The following CELF2 variants were observed in gnomAD, a reference collection of about 807,000 sequenced individuals.
CELF2 encodes the protein CUG triplet repeat RNA-binding protein 2.
In CELF2, 8 loss-of-function variants were observed where a neutral mutation model predicts 62.6. That is an observed-to-expected ratio of 0.13 (90% CI 0.07 to 0.23). CELF2 has a LOEUF of 0.23. Ranked by LOEUF, CELF2 falls within the 10% of genes least tolerant of loss-of-function variation. The pLI is 1.00. For missense variants in CELF2, 333 were observed against 671.0 expected (o/e 0.50, Z 5.56); for synonymous variants, 258 against 250.0 (o/e 1.03, Z -0.30).
chr10:10,786,676 A>AG, the CELF2 span: 1 of 152,176 alleles, frequency 6.6e-6, no homozygotes, highest in Non-Finnish European at 1.5e-5. Flanking sequence ...GGAAGTAGAG[A>AG]GGGGGATGAA....
At position 11,311,008 on chromosome 10, in the gene CELF2, G is replaced by C. The variant is rs955432; in HGVS notation, c.977-3131G>C. On this transcript the variant is annotated intron_variant, in intron 9 of 12. Coordinates refer to ENST00000633077, the MANE Select transcript of CELF2 (RefSeq NM_001326342.2). The surrounding 1 kb of genome is among the most constrained non-coding windows in gnomAD (Gnocchi z 4.7). Reference sequence around the variant, plus strand: ...ACCGAATAAATTCTAATAACTGTTCGCACAGCTTTCCCAACCATAAGGAAT... The same window carrying C: ...ACCGAATAAATTCTAATAACTGTTCCCACAGCTTTCCCAACCATAAGGAAT... Among the ~76,000 whole-genome samples the C allele has an allele frequency of 6.6e-6, 1 of 152,006 alleles. No individual in the cohort carries two copies. Among genetic ancestry groups the C allele is most frequent in the African/African-American group, 2.4e-5 (1 of 41,392 alleles).
rs117752765 is a variant in CELF2, at chr10:11,146,638, T to G, written c.75-18848T>G. Among the ~76,000 whole-genome samples, 42 of 152,312 alleles carry G rather than the reference T, an allele frequency of 2.8e-4. No homozygotes were observed. In the East Asian group the frequency reaches 7.3e-3, roughly 27 times the overall value. ...CCATCATTCCCCAATGGCCACACGC[T>G]CATGTGCTCTGTCGGTGATTTGTTA... is the stretch of plus-strand genomic sequence containing the variant. On this transcript the variant is annotated intron_variant, in intron 1 of 12. Transcript: ENST00000633077.
chr10:10,955,196 A>G (rs2048761668), intron 2 of CELF2, among the ~76,000 whole-genome samples: 1 of 152,250 alleles, frequency 6.6e-6, no homozygotes, highest in African/African-American at 2.4e-5. Flanking sequence ...CAGAGGCAAT[A>G]GGTAACCTGC....
chr10:10,950,760 A>G (rs2048229761), intron 2 of CELF2, among the ~76,000 whole-genome samples: 1 of 152,254 alleles, frequency 6.6e-6, no homozygotes, highest in Admixed American at 6.5e-5. Flanking sequence ...ATGAAAGTTC[A>G]GTTAAAGTGT....
intron 1 of CELF2, among the ~76,000 whole-genome samples, chr10:10,882,735 A>T (rs2061512206): frequency 6.6e-6 from 1 of 152,166 alleles, no homozygotes; most frequent in South Asian, 2.1e-4. Context: ...TGGGCCCTTG[A>T]TAAATAAAGT....
At chr10:11,147,484 A>G (rs2062491900) in intron 1 of CELF2, among the ~76,000 whole-genome samples, 1 of 152,208 alleles carries the variant, frequency 6.6e-6, no homozygotes, top group Non-Finnish European at 1.5e-5. Context: ...GTTTCTTTTA[A>G]TATCGTGAGC....
At chr10:10,875,068 A>G (rs1423884018) in intron 1 of CELF2, among the ~76,000 whole-genome samples, 1 of 152,228 alleles carries the variant, frequency 6.6e-6, no homozygotes, top group African/African-American at 2.4e-5. Flanking sequence ...TGTCTAGCTT[A>G]TATTATGCTC....
At chr10:10,776,783 G>T in the CELF2 span, 3 of 153,374 alleles carry the variant, frequency 2.0e-5, no homozygotes, top group African/African-American at 4.8e-5. Flanking sequence ...CCAGGGAGGA[G>T]TTTCAAGCAG....
At chr10:11,228,504 A>G (rs1565425637) in intron 3 of CELF2, among the ~76,000 whole-genome samples, 1 of 152,194 alleles carries the variant, frequency 6.6e-6, no homozygotes. Context: ...TTTTAACTAG[A>G]TACAAGTATG....
intron 1 of CELF2, among the ~76,000 whole-genome samples, chr10:11,009,384 C>T (rs191312693): frequency 6.6e-6 from 1 of 151,884 alleles, no homozygotes; most frequent in Non-Finnish European, 1.5e-5. Flanking sequence ...TCGGAACCTC[C>T]GTTCAACTCA....
At chr10:10,753,932 T>C in the CELF2 span, among the ~76,000 whole-genome samples, 1 of 152,210 alleles carries the variant, frequency 6.6e-6, no homozygotes, top group Admixed American at 6.5e-5. Context: ...GGGTTTATTA[T>C]GAACAGGATG....
At chr10:10,637,431 A>G in the CELF2 span, among the ~76,000 whole-genome samples, 2 of 152,194 alleles carry the variant, frequency 1.3e-5, no homozygotes, top group Non-Finnish European at 2.9e-5. Context: ...AGACAGAATT[A>G]CATCTTGCAG....
chr10:11,251,902 G>A (rs983430578), intron 4 of CELF2, among the ~76,000 whole-genome samples: 1 of 152,224 alleles, frequency 6.6e-6, no homozygotes, highest in Non-Finnish European at 1.5e-5. Context: ...AGGCCGGCCT[G>A]TCCAGGCCTG....
chr10:10,839,468 A>G (rs911745637), intron 1 of CELF2, among the ~76,000 whole-genome samples: 1 of 152,232 alleles, frequency 6.6e-6, no homozygotes, highest in East Asian at 1.9e-4. Context: ...TTTCACGTGT[A>G]TAGTGGTTTC....
At chr10:11,168,936 G>A (rs2068020517) in intron 2 of CELF2, 1 of 152,250 alleles carries the variant, frequency 6.6e-6, no homozygotes. Flanking sequence ...GGAAAAGTGT[G>A]TTTTATTCAG....
At chr10:10,525,446 A>G in the CELF2 span, among the ~76,000 whole-genome samples, 1 of 152,172 alleles carries the variant, frequency 6.6e-6, no homozygotes, top group Non-Finnish European at 1.5e-5. Context: ...AATGCATCCC[A>G]GGGAAGCCAA....
chr10:10,742,066 A>G, the CELF2 span, among the ~76,000 whole-genome samples: 5 of 152,140 alleles, frequency 3.3e-5, no homozygotes, highest in African/African-American at 1.2e-4. Context: ...TATTGCTGAA[A>G]TTATTCCAGC....
At chr10:10,945,940 A>C (rs1328339374) in intron 2 of CELF2, 1 of 152,632 alleles carries the variant, frequency 6.6e-6, no homozygotes. Context: ...AGAAAACCAT[A>C]GCGACCAAAA....
chr10:11,095,573 C>G (rs1310462684), intron 1 of CELF2, among the ~76,000 whole-genome samples: 1 of 152,222 alleles, frequency 6.6e-6, no homozygotes, highest in Non-Finnish European at 1.5e-5. Context: ...GCTTGCATAT[C>G]TTTTGCCCAC....
Sources: allele counts gnomAD v4.1 joint callset (sites outside exome capture counted in the v4.1 genomes callset), GRCh38; gene constraint gnomAD v4.1.1; non-coding constraint Gnocchi (gnomAD v3.1); transcripts MANE v1.5; gene names NCBI Gene and HGNC (gene_info 2026-07-23, HGNC 2026-07-21).